The following UVRAG variants were observed in gnomAD, a reference collection of about 807,000 sequenced individuals.
UVRAG encodes UV radiation resistance-associated gene protein.
A neutral mutation model predicts 78.0 loss-of-function variants in UVRAG; 19 were observed. That is an observed-to-expected ratio of 0.24 (90% confidence interval 0.17 to 0.36). The LOEUF is 0.36. Ranked by LOEUF, UVRAG falls within the 10% of genes least tolerant of loss-of-function variation. UVRAG has a pLI of 1.00. For synonymous variants in UVRAG, 323 were observed against 324.6 expected (o/e 1.00, Z 0.05); for missense variants, 740 against 853.8 (o/e 0.87, Z 1.66).
At chr11:76,081,141 G>A (rs1951485555) in intron 13 of UVRAG, among the ~76,000 whole-genome samples, 1 of 152,106 alleles carries the variant, frequency 6.6e-6, no homozygotes, top group Non-Finnish European at 1.5e-5. Context: ...TCTAGCTTCA[G>A]AGTTGCTTCT....
intron 13 of UVRAG, among the ~76,000 whole-genome samples, chr11:76,090,135 A>G (rs755739386): frequency 1.3e-5 from 2 of 152,272 alleles, no homozygotes; most frequent in South Asian, 2.1e-4. Flanking sequence ...AAATGCAGCA[A>G]CTGGTCAGCA....
chr11:76,029,867 C>T (rs571376112), intron 12 of UVRAG, among the ~76,000 whole-genome samples: 1 of 152,272 alleles, frequency 6.6e-6, no homozygotes, highest in African/African-American at 2.4e-5. Context: ...ACTTCATTGT[C>T]TTATTTTAAG....
At chr11:75,857,754 C>G (rs1290221684) in intron 2 of UVRAG, among the ~76,000 whole-genome samples, 1 of 151,020 alleles carries the variant, frequency 6.6e-6, no homozygotes, top group Non-Finnish European at 1.5e-5. Context: ...TCCCTAAGTG[C>G]TGGGATTACA....
At chr11:76,100,722 T>C (rs890841749) in intron 13 of UVRAG, among the ~76,000 whole-genome samples, 1 of 152,156 alleles carries the variant, frequency 6.6e-6, no homozygotes, top group African/African-American at 2.4e-5. Flanking sequence ...TTAAGCCTAG[T>C]ACCCAATAGT....
chr11:75,949,445 C>T (rs1948642011), intron 6 of UVRAG, among the ~76,000 whole-genome samples: 1 of 152,148 alleles, frequency 6.6e-6, no homozygotes, highest in Middle Eastern at 3.4e-3. Flanking sequence ...ATGACTGCCA[C>T]ATTTTTATCT....
chr11:75,883,378 AAAAAG>A (rs1205324416), intron 4 of UVRAG, among the ~76,000 whole-genome samples: 3 of 151,582 alleles, frequency 2.0e-5, no homozygotes, highest in Admixed American at 6.6e-5. Context: ...ACAAAAAAAA[AAAAAG>A]AAAAGAAAAA....
At chr11:76,012,011 G>C (rs1280630027) in intron 11 of UVRAG, among the ~76,000 whole-genome samples, 1 of 152,016 alleles carries the variant, frequency 6.6e-6, no homozygotes, top group African/African-American at 2.4e-5. Context: ...GACATTTTAG[G>C]CTGGGTGAGT....
At chr11:75,909,102 C>G (rs2135017225) in intron 5 of UVRAG, among the ~76,000 whole-genome samples, 1 of 152,052 alleles carries the variant, frequency 6.6e-6, no homozygotes, top group Admixed American at 6.5e-5. Flanking sequence ...AATCCCAGCA[C>G]TTTGGGAGGC....
rs1946303610 is a variant in UVRAG, at chr11:75,856,815, T to TACTC, written c.235+4816_235+4819dup. Among the ~76,000 whole-genome samples, 4 of 152,352 alleles carry TACTC rather than the reference T, an allele frequency of 2.6e-5. No individual in the cohort carries two copies. The South Asian group carries it at 8.3e-4, about 32-fold the overall frequency. On this transcript the variant is annotated intron_variant, in intron 2 of 14. Transcript: ENST00000356136. ...CTCATACCCCTGTAATCCAGTTGCC[T>TACTC]ACTCTACAGCTCCATTTGGGGTCTA...
chr11:75,923,960 A>G (rs961019952), intron 6 of UVRAG, among the ~76,000 whole-genome samples: 5 of 152,214 alleles, frequency 3.3e-5, no homozygotes, highest in Non-Finnish European at 7.3e-5. Context: ...TGAAATTGTA[A>G]TAACTTTTTT....
At chr11:75,820,722 T>A (rs1945368729) in intron 1 of UVRAG, among the ~76,000 whole-genome samples, 1 of 152,212 alleles carries the variant, frequency 6.6e-6, no homozygotes, top group Admixed American at 6.5e-5. Flanking sequence ...AATATTTATA[T>A]ATTATTGACT....
chr11:75,862,220 T>C (rs1309206757), intron 3 of UVRAG, among the ~76,000 whole-genome samples: 1 of 152,242 alleles, frequency 6.6e-6, no homozygotes, highest in African/African-American at 2.4e-5. Flanking sequence ...ATTATTTCAC[T>C]CGCCATATGT....
At chr11:75,817,898 G>GAAAAAAAAAAA (rs111248538) in intron 1 of UVRAG, among the ~76,000 whole-genome samples, 1 of 104,010 alleles carries the variant, frequency 9.6e-6, no homozygotes, top group Non-Finnish European at 2.2e-5. Context: ...ACAAAAAAAA[G>GAAAAAAAAAAA]AAAAAAAAAA....
intron 6 of UVRAG, among the ~76,000 whole-genome samples, chr11:75,952,090 A>T (rs1334174125): frequency 6.6e-6 from 1 of 152,116 alleles, no homozygotes; most frequent in Non-Finnish European, 1.5e-5. Flanking sequence ...TTATTTATTG[A>T]TATTAAATAG....
chr11:75,929,812 A>G (rs1319677176), intron 6 of UVRAG, among the ~76,000 whole-genome samples: 2 of 152,184 alleles, frequency 1.3e-5, no homozygotes, highest in Non-Finnish European at 2.9e-5. Context: ...ATCAGGCAGT[A>G]TAAGGAACAG....
chr11:75,873,772 G>A (rs1259030993), intron 3 of UVRAG, among the ~76,000 whole-genome samples: 1 of 152,186 alleles, frequency 6.6e-6, no homozygotes, highest in Non-Finnish European at 1.5e-5. Context: ...ATAGTGCTCA[G>A]CATGTAGTAA....
chr11:76,114,248 G>T (rs536314018), intron 13 of UVRAG, among the ~76,000 whole-genome samples: 1 of 152,290 alleles, frequency 6.6e-6, no homozygotes, highest in East Asian at 1.9e-4. Context: ...ATTAATACAA[G>T]AAATGATGTC....
intron 6 of UVRAG, among the ~76,000 whole-genome samples, chr11:75,922,799 T>A (rs1236332617): frequency 6.6e-6 from 1 of 151,700 alleles, no homozygotes; most frequent in Non-Finnish European, 1.5e-5. Flanking sequence ...AATACAAAAA[T>A]TAGCTGGGCG....
chr11:76,081,846 A>G (rs947604902), intron 13 of UVRAG, among the ~76,000 whole-genome samples: 9 of 151,822 alleles, frequency 5.9e-5, no homozygotes, highest in Non-Finnish European at 8.8e-5. Context: ...TAATTAAGGT[A>G]TATTTATGTA....
Sources: gnomAD v4.1 joint callset for allele counts (sites outside exome capture counted in the v4.1 genomes callset) on GRCh38, gnomAD v4.1.1 for gene constraint, MANE v1.5 for transcripts, NCBI Gene and HGNC (gene_info 2026-07-23, HGNC 2026-07-21) for gene names.